CLEC17A: variants seen among roughly 807,000 people sequenced by gnomAD.
CLEC17A encodes C-type lectin domain containing 17A, also known as C-type lectin domain family 17, member A.
CLEC17A carries 37 observed loss-of-function variants against 61.3 expected under a neutral mutation model. The observed-to-expected ratio is 0.60, with a 90% CI of 0.46 to 0.79. The LOEUF (loss-of-function observed/expected upper bound fraction) is 0.79. Among genes scored for constraint, CLEC17A ranks in the 30% least tolerant of loss-of-function variants. The pLI is 0.00. For missense variants in CLEC17A, 418 were observed against 464.7 expected, an observed-to-expected ratio of 0.90 and a Z score of 0.92; for synonymous variants, 168 against 164.9, an observed-to-expected ratio of 1.02 and a Z score of -0.14.
chr19:14,609,458 A>G (rs1418705256), intron 13 of CLEC17A, among the ~76,000 whole-genome samples: 1 of 152,154 alleles, frequency 6.6e-6, no homozygotes, highest in Non-Finnish European at 1.5e-5. Flanking sequence ...AGCCCACATG[A>G]TCTAAACAAT....
In CLEC17A at chr19:14,591,898, A is replaced by ATGTGTGTGTGTGTGTGTGTGTG. The variant is rs747656450; in HGVS notation, c.200-367_200-346dup. Among the ~76,000 whole-genome samples, 41 of 139,026 alleles carry ATGTGTGTGTGTGTGTGTGTGTG rather than the reference A, an allele frequency of 2.9e-4. 1 individual carries two copies. Among genetic ancestry groups the ATGTGTGTGTGTGTGTGTGTGTG allele is most frequent in the African/African-American group, 1.0e-3 (36 of 35,880 alleles). The allele number at this position is 139,026 out of a possible 152,430, so 91.2% of individuals were successfully genotyped here. ...GTGTGAATCCAAACTCCGGAGAAAA[A>ATGTGTGTGTGTGTGTGTGTGTG]TGTGTGTGTGTGTGTGTGTGTGTGT... On this transcript the variant is annotated intron_variant, in intron 3 of 13. Transcript: ENST00000417570.
intron 2 of CLEC17A, among the ~76,000 whole-genome samples, chr19:14,584,789 TC>T (rs2074248779): frequency 1.3e-5 from 2 of 151,718 alleles, no homozygotes; most frequent in Non-Finnish European, 2.9e-5. Context: ...CACAGTCCTG[TC>T]CCCACATCCA....
intron 3 of CLEC17A, among the ~76,000 whole-genome samples, chr19:14,589,640 T>G (rs1294279896): frequency 7.9e-6 from 1 of 126,682 alleles, no homozygotes; most frequent in Non-Finnish European, 1.6e-5. Context: ...CTCATATGAC[T>G]CTCAGGGCCT....
chr19:14,596,934 G>A lies in CLEC17A; in HGVS notation c.504G>A (p.Arg168=). 6.2e-7 allele frequency: 1 copy of A among 1,608,690 alleles called. No homozygotes were observed. Among genetic ancestry groups the A allele is most frequent in the Non-Finnish European group, 8.5e-7 (1 of 1,177,490 alleles). Residue 168 remains arginine (R), a synonymous_variant, in exon 9 of 14, where the codon AGG becomes AGA. Coordinates refer to ENST00000417570, the MANE Select transcript of CLEC17A (RefSeq NM_001204118.2). ...GAGGTCCTGGCTGCTGCCAGAAGAG[G>A]TGGATGGTGTACCTGTGTCTGCTGG... ...RSGGPGCCQK[R]WMVYLCLLVV...
At chr19:14,593,495 T>A (rs1901791659) in intron 4 of CLEC17A, among the ~76,000 whole-genome samples, 1 of 151,970 alleles carries the variant, frequency 6.6e-6, no homozygotes, top group Non-Finnish European at 1.5e-5. Flanking sequence ...AAAACATTTT[T>A]TTTTTCAAAT....
At chr19:14,583,540 G>T in intron 2 of CLEC17A, 106 bp downstream of exon 2, 1 of 1,552,254 alleles carries the variant, frequency 6.4e-7, no homozygotes, top group East Asian at 2.4e-5. Context: ...TCTGTATCCA[G>T]CCCATGCCGG....
chr19:14,600,304 C>T, intron 12 of CLEC17A, 122 bp downstream of exon 12: 4 of 1,183,994 alleles, frequency 3.4e-6, no homozygotes, highest in Non-Finnish European at 4.7e-6. Context: ...GTTACTAAAA[C>T]TTTAACAGCA....
chr19:14,609,027 T>C (rs575470659), intron 13 of CLEC17A, among the ~76,000 whole-genome samples: 7 of 152,082 alleles, frequency 4.6e-5, no homozygotes, highest in Non-Finnish European at 7.4e-5. Context: ...CTCGAAATCC[T>C]GACCTCAGGT....
At chr19:14,608,655 A>G (rs1401530642) in intron 13 of CLEC17A, among the ~76,000 whole-genome samples, 1 of 127,878 alleles carries the variant, frequency 7.8e-6, no homozygotes, top group African/African-American at 3.1e-5. Context: ...TTTTTTTGAG[A>G]CAGAGTCTCA....
chr19:14,592,983 G>A (rs2074458359), intron 4 of CLEC17A, among the ~76,000 whole-genome samples: 1 of 152,002 alleles, frequency 6.6e-6, no homozygotes. Flanking sequence ...CATTTCTTAA[G>A]TAGAGAAGCA....
At position 14,597,744 on chromosome 19, in the gene CLEC17A, C is replaced by T. The variant is rs148061873; in HGVS notation, c.646+583C>T. On this transcript the variant is annotated intron_variant, in intron 10 of 13. Transcript: ENST00000417570. ...GCCTCTTGAGTAGCTGGGACATAGGCGCATGCCATCACACCCGGCTGGTTA... is the reference window on the plus strand; with the variant it reads ...GCCTCTTGAGTAGCTGGGACATAGGTGCATGCCATCACACCCGGCTGGTTA... 2.4e-3 allele frequency among the ~76,000 whole-genome samples: 372 copies of T among 152,148 alleles called. 2 individuals are homozygous for T. Among genetic ancestry groups the T allele is most frequent in the African/African-American group, 7.6e-3 (316 of 41,466 alleles).
intron 10 of CLEC17A, among the ~76,000 whole-genome samples, chr19:14,598,053 C>G (rs1366740618): frequency 6.6e-6 from 1 of 152,188 alleles, no homozygotes; most frequent in African/African-American, 2.4e-5. Flanking sequence ...GAATATTTCT[C>G]CATTCCACAC....
chr19:14,583,689 A>T (rs1406292123), intron 2 of CLEC17A, among the ~76,000 whole-genome samples: 2 of 151,900 alleles, frequency 1.3e-5, no homozygotes, highest in African/African-American at 2.4e-5. Flanking sequence ...GAGGGCTCAA[A>T]TAGAGGAAGG....
chr19:14,583,157 A>G lies in CLEC17A; in HGVS notation c.-4A>G. On this transcript the variant is annotated 5_prime_UTR_variant, in exon 1 of 14. Transcript: ENST00000417570. Reference sequence around the variant, plus strand: ...TGCCACTTGTCAGGTTCCCTGTGCTAGACATGCATAATCTGTATTCCATCA... The same window carrying G: ...TGCCACTTGTCAGGTTCCCTGTGCTGGACATGCATAATCTGTATTCCATCA... 6.2e-7 allele frequency: 1 copy of G among 1,614,004 alleles called. No homozygotes were observed. Among genetic ancestry groups the G allele is most frequent in the African/African-American group, 1.3e-5 (1 of 75,060 alleles).
intron 12 of CLEC17A, among the ~76,000 whole-genome samples, chr19:14,606,619 G>T (rs1428562132): frequency 6.6e-6 from 1 of 150,916 alleles, no homozygotes; most frequent in Non-Finnish European, 1.5e-5. Context: ...GGTGGAAGCT[G>T]CAGTGAGCTG....
intron 12 of CLEC17A, among the ~76,000 whole-genome samples, chr19:14,604,249 G>C (rs914163988): frequency 2.0e-5 from 3 of 151,986 alleles, no homozygotes; most frequent in Non-Finnish European, 4.4e-5. Context: ...AACCCATCTG[G>C]GGTTTTTACC....
Position 14,602,848 on chromosome 19 carries a change from G to A in CLEC17A, c.894+2666G>A, listed in dbSNP as rs140690398. ...CCTCCCGAGTTCAAGTGATTCTCCC[G>A]CCTCAACCTCCCGAGTAGCTGGGAT... On this transcript the variant is annotated intron_variant, in intron 12 of 13. Coordinates refer to ENST00000417570, the MANE Select transcript of CLEC17A (RefSeq NM_001204118.2). 2.3e-3 allele frequency among the ~76,000 whole-genome samples: 345 copies of A among 151,860 alleles called. 2 individuals carry two copies. Among genetic ancestry groups the A allele is most frequent in the Non-Finnish European group, 3.6e-3 (244 of 67,942 alleles).
chr19:14,601,861 C>T (rs1012767667), intron 12 of CLEC17A, among the ~76,000 whole-genome samples: 5 of 151,938 alleles, frequency 3.3e-5, no homozygotes, highest in Admixed American at 6.6e-5. Context: ...GGCGCGATCT[C>T]GGCTCACTGC....
chr19:14,606,788 T>A (rs950313233), intron 12 of CLEC17A, among the ~76,000 whole-genome samples: 4 of 151,802 alleles, frequency 2.6e-5, no homozygotes, highest in African/African-American at 9.7e-5. Context: ...GCAGATTGCA[T>A]GAGAAAAAGT....
Sources: gnomAD v4.1 joint callset for allele counts (sites outside exome capture counted in the v4.1 genomes callset) on GRCh38, gnomAD v4.1.1 for gene constraint, MANE v1.5 for transcripts, NCBI Gene and HGNC (gene_info 2026-07-23, HGNC 2026-07-21) for gene names.